The following PPP1R12A variants were observed in gnomAD, a reference collection of about 807,000 sequenced individuals.
The protein encoded by PPP1R12A is myosin binding subunit.
PPP1R12A carries 19 observed loss-of-function variants against 139.6 expected under a neutral mutation model. The ratio of observed to expected loss-of-function variants is 0.14; its 90% CI spans 0.09 to 0.20. The LOEUF is 0.20. Ranked by LOEUF, PPP1R12A falls within the 10% of genes least tolerant of loss-of-function variation. The pLI, the probability that PPP1R12A is intolerant of heterozygous loss-of-function variation, is 1.00. For synonymous variants in PPP1R12A, 427 were observed against 420.6 expected, an observed-to-expected ratio of 1.02 and a Z score of -0.19; for missense variants, 925 against 1,211.5, an observed-to-expected ratio of 0.76 and a Z score of 3.51.
intron 2 of PPP1R12A, among the ~76,000 whole-genome samples, chr12:79,864,720 A>G (rs888762454): frequency 2.0e-5 from 3 of 152,340 alleles, no homozygotes; most frequent in African/African-American, 7.2e-5. Context: ...TAGAAAATCT[A>G]GAAGAAATGG....
intron 1 of PPP1R12A, among the ~76,000 whole-genome samples, chr12:79,910,786 C>T (rs1886504426): frequency 6.6e-6 from 1 of 152,042 alleles, no homozygotes; most frequent in Non-Finnish European, 1.5e-5. Flanking sequence ...GTATATGTAG[C>T]TATTAAAATA....
chr12:79,889,604 A>G (rs1884410431), intron 1 of PPP1R12A, among the ~76,000 whole-genome samples: 1 of 152,182 alleles, frequency 6.6e-6, no homozygotes, highest in Admixed American at 6.5e-5. Context: ...TTTTCTTGCC[A>G]ATCCTTGAAT....
At chr12:79,917,175 G>T (rs1333568618) in intron 1 of PPP1R12A, among the ~76,000 whole-genome samples, 2 of 152,144 alleles carry the variant, frequency 1.3e-5, no homozygotes, top group Non-Finnish European at 2.9e-5. Context: ...AAGGGAAAAA[G>T]ATGCCATGTT....
chr12:79,841,187 C>G (rs902742768), intron 3 of PPP1R12A, among the ~76,000 whole-genome samples: 1 of 152,130 alleles, frequency 6.6e-6, no homozygotes, highest in African/African-American at 2.4e-5. Flanking sequence ...TCTCAGCCCC[C>G]CAAAGCAATG....
intron 1 of PPP1R12A, among the ~76,000 whole-genome samples, chr12:79,924,279 T>C (rs968606580): frequency 1.3e-5 from 2 of 152,198 alleles, no homozygotes; most frequent in Admixed American, 6.5e-5. Context: ...AGTTCTTAAG[T>C]AGATTCCATG....
At chr12:79,824,735 T>C (rs763064468) in intron 5 of PPP1R12A, among the ~76,000 whole-genome samples, 5 of 152,180 alleles carry the variant, frequency 3.3e-5, no homozygotes, top group Non-Finnish European at 5.9e-5. Flanking sequence ...TTATGCTTCA[T>C]TGATAGAGTA....
chr12:79,820,876 C>T lies in PPP1R12A; in HGVS notation c.1012G>A (p.Glu338Lys), dbSNP rs1876019198. The T allele has an allele frequency of 6.2e-7, 1 of 1,613,556 alleles. No homozygotes were observed. Residue 338 changes from glutamate to lysine, a missense_variant, in exon 8 of 25, where the codon GAA becomes AAA. Around this residue, in one of 4 missense-constraint regions of PPP1R12A, gnomAD observed 403 missense variants for 463.7 expected, o/e 0.87. Coordinates refer to ENST00000450142, the MANE Select transcript of PPP1R12A (RefSeq NM_002480.3). ...TCTTCTTCATCAACCTTTTCTTGTT[C>T]CAGAGATTCAATACGGGATGCATTT... ...EKNASRIESL[E>K]QEKVDEEEEG... is the part of the protein sequence containing the mutation.
chr12:79,797,144 T>C, intron 16 of PPP1R12A, 51 bp downstream of exon 16: 1 of 1,439,334 alleles, frequency 6.9e-7, no homozygotes, highest in African/African-American at 1.4e-5. Context: ...TTAAGGATCA[T>C]AAGGACTATT....
chr12:79,823,532 C>G (rs1876392291), intron 5 of PPP1R12A, among the ~76,000 whole-genome samples: 2 of 151,546 alleles, frequency 1.3e-5, no homozygotes, highest in African/African-American at 4.9e-5. Flanking sequence ...TAGCCAATAT[C>G]TGAGCTAGTT....
At chr12:79,824,475 T>C (rs1876520027) in intron 5 of PPP1R12A, among the ~76,000 whole-genome samples, 2 of 152,148 alleles carry the variant, frequency 1.3e-5, no homozygotes, top group Admixed American at 6.6e-5. Flanking sequence ...GAATAAGAAA[T>C]TGGATCACTC....
At chr12:79,875,054 A>G (rs1181412486) in intron 1 of PPP1R12A, among the ~76,000 whole-genome samples, 2 of 152,170 alleles carry the variant, frequency 1.3e-5, no homozygotes, top group East Asian at 1.9e-4. Flanking sequence ...TCACATTATC[A>G]ATAATATCAA....
chr12:79,874,115 A>G (rs949714523), intron 1 of PPP1R12A, among the ~76,000 whole-genome samples: 3 of 152,186 alleles, frequency 2.0e-5, no homozygotes, highest in African/African-American at 4.8e-5. Flanking sequence ...TTCTCTATTA[A>G]AAGTACAAAA....
intron 11 of PPP1R12A, among the ~76,000 whole-genome samples, 173 bp from the exon 12 acceptor site, chr12:79,807,503 A>C (rs1873978180): frequency 6.6e-6 from 1 of 151,960 alleles, no homozygotes; most frequent in South Asian, 2.1e-4. Context: ...ATATACCCTA[A>C]GGTATAATTT....
At chr12:79,877,950 T>C (rs1883272554) in intron 1 of PPP1R12A, among the ~76,000 whole-genome samples, 1 of 152,152 alleles carries the variant, frequency 6.6e-6, no homozygotes, top group Admixed American at 6.5e-5. Flanking sequence ...AATACAAATA[T>C]GATTATTCTT....
chr12:79,846,461 G>A (rs777905108), intron 2 of PPP1R12A, among the ~76,000 whole-genome samples: 1 of 151,452 alleles, frequency 6.6e-6, no homozygotes. Flanking sequence ...ACAGAGTCTC[G>A]CTTTGTCACC....
intron 1 of PPP1R12A, among the ~76,000 whole-genome samples, chr12:79,903,561 T>C (rs1201871373): frequency 6.6e-6 from 1 of 152,098 alleles, no homozygotes; most frequent in East Asian, 1.9e-4. Flanking sequence ...AGATACCTCA[T>C]TAAATACATG....
At position 79,773,694 on chromosome 12, in the gene PPP1R12A, CAAT is replaced by C. The variant is rs1869473900; in HGVS notation, c.*2232_*2234del. 1 of 152,082 alleles carries C rather than the reference CAAT, an allele frequency of 6.6e-6. No individual in the cohort carries two copies. Among genetic ancestry groups the C allele is most frequent in the East Asian group, 1.9e-4 (1 of 5,184 alleles). The allele number at this position is 152,082 out of a possible 1,614,324, so 9.4% of individuals were successfully genotyped here. A position where few individuals can be genotyped will look rare whatever the true frequency, so the allele number is the denominator to read the frequency against. On this transcript the variant is annotated 3_prime_UTR_variant, in exon 25 of 25. Coordinates refer to ENST00000450142, the MANE Select transcript of PPP1R12A (RefSeq NM_002480.3). ...ATGTACAATGCTGTGCAAATTATCA[CAAT>C]ATTACAATTTCAGAAATTATTCAAA...
In PPP1R12A at chr12:79,921,143, A is replaced by G. The variant is rs138729221; in HGVS notation, c.237+13552T>C. On this transcript the variant is annotated intron_variant, in intron 1 of 24. Coordinates refer to ENST00000450142, the MANE Select transcript of PPP1R12A (RefSeq NM_002480.3). ...AGAAGAGACCTTTAATATATGTTAA[A>G]TGAATATACAAAAGATGATTTTTTT... Among the ~76,000 whole-genome samples, 12 of 152,314 alleles carry G rather than the reference A, an allele frequency of 7.9e-5. No homozygotes were observed. The East Asian group carries it at 2.3e-3, about 29-fold the overall frequency.
At chr12:79,862,737 A>T (rs1250889105) in intron 2 of PPP1R12A, among the ~76,000 whole-genome samples, 2 of 152,226 alleles carry the variant, frequency 1.3e-5, no homozygotes, top group Non-Finnish European at 2.9e-5. Context: ...GATCAAATTA[A>T]TGAAATAAAG....
Sources: gnomAD v4.1 joint callset for allele counts (sites outside exome capture counted in the v4.1 genomes callset) on GRCh38, gnomAD v4.1.1 for gene constraint, gnomAD v4.1.1 regional missense constraint, MANE v1.5 for transcripts, NCBI Gene and HGNC (gene_info 2026-07-23, HGNC 2026-07-21) for gene names.